Variants in ME1 observed in about 807,000 individuals in gnomAD.
ME1 encodes the protein malic enzyme 1, also known as NADP-dependent malic enzyme.
In ME1, 74 loss-of-function variants were observed where a neutral mutation model predicts 66.4. That is an observed-to-expected ratio of 1.11 (90% CI 0.92 to 1.35). The LOEUF (loss-of-function observed/expected upper bound fraction) is 1.35. ME1 is among the 40% of genes most tolerant of loss of function. ME1 has a pLI of 0.00. For missense variants in ME1, 750 were observed against 694.1 expected (o/e 1.08, Z -0.90); for synonymous variants, 251 against 235.6 (o/e 1.07, Z -0.60).
intron 6 of ME1, among the ~76,000 whole-genome samples, chr6:83,310,051 C>G (rs1357339886): frequency 6.6e-6 from 1 of 152,134 alleles, no homozygotes; most frequent in Non-Finnish European, 1.5e-5. Context: ...TGTGCTACTC[C>G]ACTAGAGATG....
At chr6:83,248,080 C>G (rs1297169666) in intron 7 of ME1, among the ~76,000 whole-genome samples, 2 of 152,028 alleles carry the variant, frequency 1.3e-5, no homozygotes, top group Non-Finnish European at 2.9e-5. Flanking sequence ...ATCCTGTGCC[C>G]CCGCCTTTAA....
chr6:83,256,971 C>T (rs888247216), intron 6 of ME1, among the ~76,000 whole-genome samples: 3 of 151,776 alleles, frequency 2.0e-5, no homozygotes, highest in African/African-American at 7.3e-5. Context: ...TGTTCTCACT[C>T]ATAAGTGGGA....
intron 6 of ME1, among the ~76,000 whole-genome samples, chr6:83,308,480 A>T (rs924660783): frequency 6.6e-6 from 1 of 150,928 alleles, no homozygotes; most frequent in Admixed American, 6.6e-5. Context: ...GATTCTGTAA[A>T]AAAAAAAAAA....
At chr6:83,345,522 G>A (rs1768669644) in intron 5 of ME1, among the ~76,000 whole-genome samples, 1 of 152,080 alleles carries the variant, frequency 6.6e-6, no homozygotes, top group South Asian at 2.1e-4. Context: ...TTTGTGTCAA[G>A]GTCTTATTTG....
At position 83,347,508 on chromosome 6, in the gene ME1, C is replaced by T. The variant is rs138397261; in HGVS notation, c.439-1174G>A. ...CTTGGGTGAATTTAAGCTTCTGTTT[C>T]TTATTGGTAAATTGGGAGTAATAAA... On this transcript the variant is annotated intron_variant, in intron 4 of 13. Transcript: ENST00000369705. Among the ~76,000 whole-genome samples the T allele has an allele frequency of 1.6e-3, 238 of 152,210 alleles. 3 individuals are homozygous for T. The highest frequency in any genetic ancestry group is 5.4e-3 in the African/African-American group (226 of 41,532).
chr6:83,227,598 T>C (rs1355903178), intron 10 of ME1, 121 bp from the exon 11 acceptor site: 3 of 775,472 alleles, frequency 3.9e-6, no homozygotes, highest in African/African-American at 3.5e-5. Flanking sequence ...AACAAAATGC[T>C]ATATAAACTA....
At chr6:83,238,794 T>TG in intron 8 of ME1, among the ~76,000 whole-genome samples, 1 of 89,054 alleles carries the variant, frequency 1.1e-5, no homozygotes, top group Non-Finnish European at 2.6e-5. Flanking sequence ...TAAAGTTTCT[T>TG]GAAAAATATA....
rs530793917 is a variant in ME1 at position 83,422,470 on chromosome 6, A to T, written c.78+8407T>A. The stretch of plus-strand genomic sequence containing the variant: ...AAAAATCACTCAACATAGAAACAGG[A>T]AAACGTTAACTTGGAAAATAAAAGA... On this transcript the variant is annotated intron_variant, in intron 1 of 13. Coordinates refer to ENST00000369705, the MANE Select transcript of ME1 (RefSeq NM_002395.6). Among the ~76,000 whole-genome samples the T allele has an allele frequency of 5.3e-5, 8 of 152,348 alleles. No individual in the cohort carries two copies. The East Asian group carries it at 1.2e-3, about 22-fold the overall frequency.
At chr6:83,389,900 T>G (rs1430207992) in intron 3 of ME1, among the ~76,000 whole-genome samples, 1 of 152,058 alleles carries the variant, frequency 6.6e-6, no homozygotes, top group Non-Finnish European at 1.5e-5. Context: ...CTGCAAGAAT[T>G]AAAATGATTT....
At chr6:83,426,521 G>A (rs1770373370) in intron 1 of ME1, among the ~76,000 whole-genome samples, 1 of 152,178 alleles carries the variant, frequency 6.6e-6, no homozygotes. Context: ...AATGTGGTTG[G>A]ATGAAATTTT....
At chr6:83,428,600 T>G (rs941496126) in intron 1 of ME1, among the ~76,000 whole-genome samples, 5 of 152,114 alleles carry the variant, frequency 3.3e-5, no homozygotes, top group African/African-American at 1.2e-4. Flanking sequence ...GCCAAAACAT[T>G]CCTGAGCTAC....
At chr6:83,341,229 A>G (rs1299510442) in intron 5 of ME1, among the ~76,000 whole-genome samples, 1 of 152,212 alleles carries the variant, frequency 6.6e-6, no homozygotes, top group African/African-American at 2.4e-5. Context: ...TGGAAGGGTA[A>G]CATGTCCTGA....
At chr6:83,234,545 C>T (rs1790362295) in intron 9 of ME1, among the ~76,000 whole-genome samples, 1 of 152,180 alleles carries the variant, frequency 6.6e-6, no homozygotes, top group South Asian at 2.1e-4. Flanking sequence ...CTCCACTCCA[C>T]CCTATTCCTC....
At chr6:83,346,042 C>T in intron 5 of ME1, 131 bp downstream of exon 5, 1 of 645,368 alleles carries the variant, frequency 1.5e-6, no homozygotes, top group Non-Finnish European at 2.5e-6. Context: ...CAGTAAAGGG[C>T]AGATTTGGAG....
chr6:83,289,158 T>G (rs1767452480), intron 6 of ME1, among the ~76,000 whole-genome samples: 1 of 152,248 alleles, frequency 6.6e-6, no homozygotes, highest in Non-Finnish European at 1.5e-5. Context: ...TCTTGCTTGA[T>G]GGCCCTGGCC....
chr6:83,258,150 T>C lies in ME1; in HGVS notation c.705-4412A>G, dbSNP rs552937471. On this transcript the variant is annotated intron_variant, in intron 6 of 13. Transcript: ENST00000369705. ...TTTATAATGTTTCTTAAGTGAAATCTGGGAATAGGCATAGGTAGTAAAATG... is the reference window on the plus strand; with the variant it reads ...TTTATAATGTTTCTTAAGTGAAATCCGGGAATAGGCATAGGTAGTAAAATG... Among the ~76,000 whole-genome samples the C allele has an allele frequency of 2.7e-4, 41 of 152,336 alleles. 1 individual carries two copies. In the East Asian group the frequency reaches 7.3e-3, roughly 27 times the overall value.
chr6:83,333,083 C>A (rs1768446001), intron 5 of ME1, among the ~76,000 whole-genome samples: 1 of 151,984 alleles, frequency 6.6e-6, no homozygotes, highest in African/African-American at 2.4e-5. Context: ...GCAGCTAATT[C>A]CATTTCTATT....
rs564814047 is a variant in ME1, at chr6:83,406,439, G to C, written c.212+1329C>G. Among the ~76,000 whole-genome samples the C allele has an allele frequency of 7.9e-5, 12 of 152,246 alleles. No individual in the cohort carries two copies. In the South Asian group the frequency reaches 2.3e-3, roughly 29 times the overall value. On this transcript the variant is annotated intron_variant, in intron 2 of 13. Transcript: ENST00000369705. ...CTCTTTATATTTCTGGTAGAATTCAGCTGTGAATCCATCTGATCCTGGGTT... is the reference window on the plus strand; with the variant it reads ...CTCTTTATATTTCTGGTAGAATTCACCTGTGAATCCATCTGATCCTGGGTT...
chr6:83,405,722 G>GTTTTT (rs1245020714), intron 2 of ME1, among the ~76,000 whole-genome samples: 5 of 126,264 alleles, frequency 4.0e-5, no homozygotes, highest in African/African-American at 9.5e-5. Context: ...TGTTGTTGTT[G>GTTTTT]TTTTTTTTTT....
Sources: allele counts gnomAD v4.1 joint callset (sites outside exome capture counted in the v4.1 genomes callset), GRCh38; gene constraint gnomAD v4.1.1; transcripts MANE v1.5; gene names NCBI Gene and HGNC (gene_info 2026-07-23, HGNC 2026-07-21).